RBFOX1: variants seen among roughly 807,000 people sequenced by gnomAD.
The protein encoded by RBFOX1 is RNA binding protein fox-1 homolog 1.
RBFOX1 carries 8 observed loss-of-function variants against 57.7 expected under a neutral mutation model. That is an observed-to-expected ratio of 0.14 (90% CI 0.08 to 0.25). RBFOX1 has a LOEUF of 0.25. Ranked by LOEUF, RBFOX1 falls within the 10% of genes least tolerant of loss-of-function variation. The probability of loss-of-function intolerance (pLI) is 1.00; values close to 1 mark genes in which losing one functional copy is unlikely to be tolerated. For synonymous variants in RBFOX1, 326 were observed against 222.4 expected, an observed-to-expected ratio of 1.47 and a Z score of -4.15; for missense variants, 611 against 548.5, an observed-to-expected ratio of 1.11 and a Z score of -1.14.
At chr16:7,404,923 T>C (rs921231048) in intron 4 of RBFOX1, among the ~76,000 whole-genome samples, 1 of 152,162 alleles carries the variant, frequency 6.6e-6, no homozygotes, top group African/African-American at 2.4e-5. Flanking sequence ...AGTGAGTAGA[T>C]ATGTGGGCGT....
chr16:6,054,585 G>C (rs1028305198), intron 1 of RBFOX1, among the ~76,000 whole-genome samples: 1 of 152,056 alleles, frequency 6.6e-6, no homozygotes, highest in Non-Finnish European at 1.5e-5. Flanking sequence ...GATTCATATT[G>C]GGTCTATGGA....
At chr16:6,882,085 C>G (rs143656922) in intron 3 of RBFOX1, among the ~76,000 whole-genome samples, 22 of 152,122 alleles carry the variant, frequency 1.4e-4, no homozygotes, top group African/African-American at 4.8e-4. Flanking sequence ...CAGTGGCCCC[C>G]TATTCCCTGC....
In RBFOX1 at chr16:6,227,374, T is replaced by C. The variant is rs541448327; in HGVS notation, c.-126-89621T>C. Reference sequence around the variant, plus strand: ...GGACCACATTTTCAGAAAGAGTGTTTTCTCTTGTGACCATTCTCCAATGTT... The same window carrying C: ...GGACCACATTTTCAGAAAGAGTGTTCTCTCTTGTGACCATTCTCCAATGTT... On this transcript the variant is annotated intron_variant, in intron 1 of 15. Coordinates refer to ENST00000550418, the MANE Select transcript of RBFOX1 (RefSeq NM_018723.4). 3.9e-5 allele frequency among the ~76,000 whole-genome samples: 6 copies of C among 152,294 alleles called. No homozygotes were observed. The South Asian group carries it at 8.3e-4, about 21-fold the overall frequency.
At chr16:7,482,541 G>GTTTTTTTTTTT (rs1567418090) in intron 4 of RBFOX1, among the ~76,000 whole-genome samples, 1 of 122,700 alleles carries the variant, frequency 8.1e-6, no homozygotes, top group African/African-American at 3.5e-5. Context: ...GATTGCCTGG[G>GTTTTTTTTTTT]ATTTTTTTTT....
At chr16:5,296,836 G>A (rs565333901) in intron 1 of RBFOX1, among the ~76,000 whole-genome samples, 6 of 151,864 alleles carry the variant, frequency 4.0e-5, no homozygotes, top group East Asian at 1.9e-4. Flanking sequence ...GCACCACCAC[G>A]CCCAGCTAAT....
intron 3 of RBFOX1, among the ~76,000 whole-genome samples, chr16:5,853,352 G>A (rs4238867): frequency 2.0e-5 from 3 of 151,888 alleles, no homozygotes; most frequent in East Asian, 1.9e-4. Context: ...CCAAAGAGAG[G>A]AGAAAACAAA....
intron 3 of RBFOX1, among the ~76,000 whole-genome samples, chr16:5,668,270 G>A (rs533283094): frequency 6.6e-6 from 1 of 152,200 alleles, no homozygotes; most frequent in South Asian, 2.1e-4. Flanking sequence ...AACAGAGCGA[G>A]ACTCCATCTC....
intron 15 of RBFOX1, chr16:7,709,519 A>G (rs1412953713): frequency 4.3e-5 from 66 of 1,530,518 alleles, no homozygotes; most frequent in Non-Finnish European, 5.8e-5. Flanking sequence ...CCCAGCACAG[A>G]CTTCAGAGGA....
chr16:7,216,919 G>C (rs564434475), intron 4 of RBFOX1, among the ~76,000 whole-genome samples: 6 of 151,620 alleles, frequency 4.0e-5, no homozygotes, highest in South Asian at 4.2e-4. Flanking sequence ...TATACCCAAG[G>C]AAACAAAGTC....
At chr16:7,201,691 G>T (rs2088539978) in intron 4 of RBFOX1, among the ~76,000 whole-genome samples, 1 of 152,194 alleles carries the variant, frequency 6.6e-6, no homozygotes, top group East Asian at 1.9e-4. Flanking sequence ...CTTGAATCCA[G>T]ACCTCAGGTG....
At chr16:5,277,740 A>G (rs1330194995) in intron 1 of RBFOX1, among the ~76,000 whole-genome samples, 1 of 152,214 alleles carries the variant, frequency 6.6e-6, no homozygotes, top group African/African-American at 2.4e-5. Context: ...TATAAGTGAG[A>G]ACATGCAATA....
intron 4 of RBFOX1, among the ~76,000 whole-genome samples, chr16:5,908,500 C>T (rs1211384602): frequency 6.6e-6 from 1 of 151,812 alleles, no homozygotes; most frequent in African/African-American, 2.4e-5. Context: ...TTACAGGTGC[C>T]TGCCACCATG....
rs140112217 is a variant in RBFOX1, at chr16:7,669,814, C to T, written c.930+4846C>T. Among the ~76,000 whole-genome samples, 291 of 152,252 alleles carry T rather than the reference C, an allele frequency of 1.9e-3. 1 individual carries two copies. Among genetic ancestry groups the T allele is most frequent in the African/African-American group, 6.7e-3 (278 of 41,546 alleles). On this transcript the variant is annotated intron_variant, in intron 13 of 15. Coordinates refer to ENST00000550418, the MANE Select transcript of RBFOX1 (RefSeq NM_018723.4). ...TAAATAAAAACTCCTAGTCTTTCTTCCTGAGACCTTGCTTTCAGTGTGAGG... is the reference window on the plus strand; with the variant it reads ...TAAATAAAAACTCCTAGTCTTTCTTTCTGAGACCTTGCTTTCAGTGTGAGG...
In RBFOX1 at chr16:5,759,547, A is replaced by C. The variant is rs115836372; in HGVS notation, c.319-107756A>C. On this transcript the variant is annotated intron_variant, in intron 3 of 19. Transcript: ENST00000641259. ...AATTCAGAGTTTTCTTAATTTCTGT[A>C]GCTCTTTCTATTTCTGTATTTAATG... Among the ~76,000 whole-genome samples, 928 of 152,270 alleles carry C rather than the reference A, an allele frequency of 6.1e-3. 15 individuals carry two copies. Among genetic ancestry groups the C allele is most frequent in the African/African-American group, 0.021 (877 of 41,562 alleles).
At chr16:6,606,717 A>G (rs187597158) in intron 2 of RBFOX1, among the ~76,000 whole-genome samples, 2 of 152,086 alleles carry the variant, frequency 1.3e-5, no homozygotes, top group Non-Finnish European at 2.9e-5. Flanking sequence ...ATAGCATTCC[A>G]TGTTGCATAT....
At chr16:6,323,965 G>GT (rs2082089740) in intron 2 of RBFOX1, among the ~76,000 whole-genome samples, 1 of 152,086 alleles carries the variant, frequency 6.6e-6, no homozygotes, top group South Asian at 2.1e-4. Context: ...TAGAGAAAGG[G>GT]TTTTGCCATG....
chr16:5,894,392 C>T (rs1048265961), intron 4 of RBFOX1, among the ~76,000 whole-genome samples: 1 of 152,160 alleles, frequency 6.6e-6, no homozygotes, highest in Non-Finnish European at 1.5e-5. Flanking sequence ...CAGTGATTCT[C>T]TTGCCTCAGC....
intron 1 of RBFOX1, among the ~76,000 whole-genome samples, chr16:6,140,681 T>G (rs972531142): frequency 1.3e-5 from 2 of 152,198 alleles, no homozygotes; most frequent in African/African-American, 4.8e-5. Context: ...ATCTCTTACT[T>G]GTCCCCTTTG....
chr16:5,539,875 A>G (rs1531976), intron 2 of RBFOX1, among the ~76,000 whole-genome samples: 112,625 of 152,108 alleles, frequency 0.74, 42,148 homozygotes, highest in East Asian at 0.99. Flanking sequence ...TTGGTCACAA[A>G]TGAAGTAGGA....
Sources: gnomAD v4.1 joint callset for allele counts (sites outside exome capture counted in the v4.1 genomes callset) on GRCh38, gnomAD v4.1.1 for gene constraint, MANE v1.5 for transcripts, NCBI Gene and HGNC (gene_info 2026-07-23, HGNC 2026-07-21) for gene names.